The following PCDH15 variants were observed in gnomAD, a reference collection of about 807,000 sequenced individuals.
PCDH15 encodes protocadherin related 15.
A neutral mutation model predicts 178.5 loss-of-function variants in PCDH15; 129 were observed. The observed-to-expected ratio is 0.72, with a 90% CI of 0.63 to 0.84. The LOEUF is 0.84. PCDH15 is among the 40% of genes least tolerant of loss of function. The pLI is 0.00. For synonymous variants in PCDH15, 800 were observed against 732.0 expected (o/e 1.09, Z -1.50); for missense variants, 2,230 against 2,099.9 (o/e 1.06, Z -1.21).
rs1488280288 is a variant in PCDH15 at position 53,825,307 on chromosome 10, A to G, written c.4367+2086T>C. 2.0e-5 allele frequency among the ~76,000 whole-genome samples: 3 copies of G among 152,020 alleles called. No individual in the cohort carries two copies. In the East Asian group the frequency reaches 5.8e-4, roughly 29 times the overall value. ...ATGTTTTTATATTTTGTTATTATTC[A>G]TATGAATGACATTTAATAGTAGATG... On this transcript the variant is annotated intron_variant, in intron 32 of 37. Transcript: ENST00000644397.
At chr10:54,640,685 A>C (rs1565824652) in intron 2 of PCDH15, among the ~76,000 whole-genome samples, 1 of 152,150 alleles carries the variant, frequency 6.6e-6, no homozygotes, top group Non-Finnish European at 1.5e-5. Flanking sequence ...TATAAATGAC[A>C]GGAATTTTAT....
intron 1 of PCDH15, among the ~76,000 whole-genome samples, chr10:54,800,595 T>C (rs566702170): frequency 6.6e-6 from 1 of 152,166 alleles, no homozygotes; most frequent in Admixed American, 6.5e-5. Flanking sequence ...TTGGAGGAAG[T>C]AGAAGAAGTG....
At chr10:55,010,056 A>G (rs974531226) in intron 2 of PCDH15, among the ~76,000 whole-genome samples, 1 of 152,140 alleles carries the variant, frequency 6.6e-6, no homozygotes, top group African/African-American at 2.4e-5. Context: ...CAGTTTACAT[A>G]AGTAATAGGA....
intron 2 of PCDH15, among the ~76,000 whole-genome samples, chr10:55,549,668 T>A (rs1365410730): frequency 6.6e-6 from 1 of 152,210 alleles, no homozygotes; most frequent in Non-Finnish European, 1.5e-5. Flanking sequence ...GCTGATGCAC[T>A]GACTTTTCAA....
At chr10:54,199,406 A>T (rs1246008460) in intron 10 of PCDH15, among the ~76,000 whole-genome samples, 2 of 152,102 alleles carry the variant, frequency 1.3e-5, no homozygotes, top group South Asian at 4.2e-4. Context: ...CTGATTTTTA[A>T]GAGGCTACAC....
intron 2 of PCDH15, among the ~76,000 whole-genome samples, chr10:55,477,945 C>T (rs535361196): frequency 1.3e-5 from 2 of 151,876 alleles, no homozygotes; most frequent in African/African-American, 4.8e-5. Context: ...AAGAAATTTA[C>T]TTCACCTGTA....
intron 24 of PCDH15, among the ~76,000 whole-genome samples, chr10:53,939,998 T>A (rs893887618): frequency 2.0e-5 from 3 of 152,106 alleles, no homozygotes; most frequent in African/African-American, 7.2e-5. Flanking sequence ...AAAAGTAAGA[T>A]ATTGACCACT....
intron 37 of PCDH15, 145 bp from the exon 38 acceptor site, chr10:53,807,275 T>C (rs1298216613): frequency 1.6e-6 from 1 of 638,236 alleles, no homozygotes; most frequent in African/African-American, 1.8e-5. Flanking sequence ...AGCCAGTCTT[T>C]ATTAACATAC....
At chr10:54,488,840 A>G (rs1257526745) in intron 3 of PCDH15, among the ~76,000 whole-genome samples, 1 of 152,000 alleles carries the variant, frequency 6.6e-6, no homozygotes, top group Non-Finnish European at 1.5e-5. Context: ...CAAAAAATGT[A>G]GTAGAATATG....
At chr10:54,684,107 A>G (rs904867423) in intron 1 of PCDH15, among the ~76,000 whole-genome samples, 7 of 152,052 alleles carry the variant, frequency 4.6e-5, no homozygotes, top group Non-Finnish European at 4.4e-5. Flanking sequence ...TTCACATATT[A>G]AAATGCATGT....
chr10:55,191,284 C>T (rs1470464790), intron 1 of PCDH15, among the ~76,000 whole-genome samples: 4 of 151,664 alleles, frequency 2.6e-5, no homozygotes, highest in Admixed American at 2.6e-4. Context: ...TTTTTATCTA[C>T]TTTTCTATCA....
chr10:53,853,176 T>G (rs2132968353), intron 28 of PCDH15, among the ~76,000 whole-genome samples: 1 of 151,970 alleles, frequency 6.6e-6, no homozygotes, highest in South Asian at 2.1e-4. Flanking sequence ...AAGGGACAAT[T>G]TCTTAAACAA....
chr10:54,874,901 T>C (rs1954111969), intron 3 of PCDH15, among the ~76,000 whole-genome samples: 2 of 152,188 alleles, frequency 1.3e-5, no homozygotes, highest in African/African-American at 4.8e-5. Context: ...AATCTCATTG[T>C]TTATTGGAGG....
At chr10:55,461,732 ATTT>A (rs1839683475) in intron 2 of PCDH15, among the ~76,000 whole-genome samples, 1 of 152,084 alleles carries the variant, frequency 6.6e-6, no homozygotes, top group South Asian at 2.1e-4. Flanking sequence ...AGGTTGTTAA[ATTT>A]TTAACAGAAC....
chr10:54,505,413 T>C (rs1259283093), intron 3 of PCDH15, among the ~76,000 whole-genome samples: 1 of 152,158 alleles, frequency 6.6e-6, no homozygotes, highest in Non-Finnish European at 1.5e-5. Context: ...TATTTACATA[T>C]TATCTGTACA....
intron 13 of PCDH15, among the ~76,000 whole-genome samples, chr10:54,173,553 C>T (rs1013089262): frequency 7.3e-6 from 1 of 137,872 alleles, no homozygotes; most frequent in Non-Finnish European, 1.7e-5. Flanking sequence ...AATGAATTAA[C>T]CTGAAATATA....
At chr10:54,249,533 AT>A (rs1381902457) in intron 8 of PCDH15, among the ~76,000 whole-genome samples, 4 of 152,264 alleles carry the variant, frequency 2.6e-5, no homozygotes, top group African/African-American at 9.6e-5. Flanking sequence ...GCATTTTAAA[AT>A]TTTATTTCCA....
At chr10:55,380,702 G>C (rs977199330) in intron 2 of PCDH15, among the ~76,000 whole-genome samples, 1 of 152,130 alleles carries the variant, frequency 6.6e-6, no homozygotes, top group African/African-American at 2.4e-5. Flanking sequence ...GAAGGGACAA[G>C]GGGCCAAGAA....
chr10:54,468,255 T>C (rs1361263821), intron 3 of PCDH15, among the ~76,000 whole-genome samples: 1 of 151,948 alleles, frequency 6.6e-6, no homozygotes, highest in Non-Finnish European at 1.5e-5. Flanking sequence ...CATTAGATTG[T>C]TTATTTGAAA....
Sources: gnomAD v4.1 joint callset for allele counts (sites outside exome capture counted in the v4.1 genomes callset) on GRCh38, gnomAD v4.1.1 for gene constraint, MANE v1.5 for transcripts, NCBI Gene and HGNC (gene_info 2026-07-23, HGNC 2026-07-21) for gene names.